Variants in SCPPPQ1 observed in about 807,000 individuals in gnomAD.
SCPPPQ1 encodes the protein secretory calcium-binding phosphoprotein proline-glutamine rich 1, also known as secretory calcium-binding phosphoprotein proline- and glutamine-rich 1.
chr4:87,461,340 G>C, the SCPPPQ1 span, among the ~76,000 whole-genome samples: 1 of 152,170 alleles, frequency 6.6e-6, no homozygotes, highest in Non-Finnish European at 1.5e-5. Flanking sequence ...TCCCTACTAA[G>C]GTTAAGAGTC....
the SCPPPQ1 span, among the ~76,000 whole-genome samples, chr4:87,465,436 C>G: frequency 6.6e-5 from 10 of 151,734 alleles, no homozygotes; most frequent in Non-Finnish European, 1.2e-4. Flanking sequence ...TCAAATTCTC[C>G]CCAATTAAAT....
the SCPPPQ1 span, among the ~76,000 whole-genome samples, chr4:87,468,712 G>A: frequency 1.3e-5 from 2 of 152,180 alleles, no homozygotes; most frequent in Non-Finnish European, 2.9e-5. Flanking sequence ...TTATCAAATT[G>A]TGTTTTTAAG....
the SCPPPQ1 span, among the ~76,000 whole-genome samples, chr4:87,468,266 C>T: frequency 6.6e-6 from 1 of 152,220 alleles, no homozygotes; most frequent in Non-Finnish European, 1.5e-5. Flanking sequence ...CTTTTATTTA[C>T]ATTTCTTAAG....
the SCPPPQ1 span, among the ~76,000 whole-genome samples, chr4:87,461,201 T>C: frequency 6.6e-6 from 1 of 152,194 alleles, no homozygotes; most frequent in Non-Finnish European, 1.5e-5. Flanking sequence ...TCCTGTTAGG[T>C]AGTAGTATTC....
At chr4:87,466,594 AAC>A in the SCPPPQ1 span, among the ~76,000 whole-genome samples, 6 of 152,324 alleles carry the variant, frequency 3.9e-5, no homozygotes, top group East Asian at 5.8e-4. Flanking sequence ...AGTTGAGAGA[AAC>A]ACAGTTTGAA....
the SCPPPQ1 span, among the ~76,000 whole-genome samples, chr4:87,468,369 G>A: frequency 6.6e-6 from 1 of 152,160 alleles, no homozygotes. Context: ...AAAGTGAAGG[G>A]AGTGTGGAAA....
chr4:87,462,769 G>T, the SCPPPQ1 span, among the ~76,000 whole-genome samples: 51 of 152,196 alleles, frequency 3.4e-4, no homozygotes, highest in Non-Finnish European at 6.8e-4. Context: ...AGGCTGAAGC[G>T]GGTGGATCTC....
At chr4:87,464,659 G>A in the SCPPPQ1 span, among the ~76,000 whole-genome samples, 1 of 152,164 alleles carries the variant, frequency 6.6e-6, no homozygotes, top group South Asian at 2.1e-4. Context: ...GCAACATGGT[G>A]AAACCCCATC....
chr4:87,464,936 A>G, the SCPPPQ1 span, among the ~76,000 whole-genome samples: 1 of 152,238 alleles, frequency 6.6e-6, no homozygotes, highest in Non-Finnish European at 1.5e-5. Context: ...GCCTCATCTT[A>G]TGTATTTATC....
the SCPPPQ1 span, chr4:87,461,835 T>G: frequency 1.3e-5 from 2 of 152,182 alleles, no homozygotes; most frequent in Admixed American, 1.3e-4. Context: ...TTGTAATTAA[T>G]TGGTCTTGTT....
At chr4:87,464,433 T>C in the SCPPPQ1 span, among the ~76,000 whole-genome samples, 1 of 152,122 alleles carries the variant, frequency 6.6e-6, no homozygotes, top group Non-Finnish European at 1.5e-5. Flanking sequence ...GCTCCAGACA[T>C]AGCAGTGACT....
At chr4:87,462,231 C>T in the SCPPPQ1 span, 2 of 152,108 alleles carry the variant, frequency 1.3e-5, no homozygotes, top group Non-Finnish European at 2.9e-5. Context: ...CCCACTTGGC[C>T]TCAGATAGTC....
chr4:87,466,960 T>G, the SCPPPQ1 span, among the ~76,000 whole-genome samples: 1 of 152,242 alleles, frequency 6.6e-6, no homozygotes, highest in African/African-American at 2.4e-5. Flanking sequence ...CCAATCTGTG[T>G]TGCAGCATCA....
the SCPPPQ1 span, among the ~76,000 whole-genome samples, chr4:87,467,062 T>C: frequency 1.3e-5 from 2 of 152,172 alleles, no homozygotes; most frequent in African/African-American, 4.8e-5. Context: ...GCCTGAAATG[T>C]TTCATCCATT....
At chr4:87,468,368 G>A in the SCPPPQ1 span, among the ~76,000 whole-genome samples, 146 of 152,266 alleles carry the variant, frequency 9.6e-4, no homozygotes, top group Middle Eastern at 3.4e-3. Context: ...CAAAGTGAAG[G>A]GAGTGTGGAA....
the SCPPPQ1 span, chr4:87,462,088 A>T: frequency 6.6e-6 from 1 of 152,170 alleles, no homozygotes; most frequent in South Asian, 2.1e-4. Context: ...CATGCCTCCC[A>T]TTTTATGGTT....
At chr4:87,465,551 G>T in the SCPPPQ1 span, among the ~76,000 whole-genome samples, 1 of 28,434 alleles carries the variant, frequency 3.5e-5, no homozygotes. Context: ...AAAAGGAATA[G>T]AAATCTACAA....
chr4:87,461,876 C>T, the SCPPPQ1 span: 1 of 151,772 alleles, frequency 6.6e-6, no homozygotes. Flanking sequence ...TATTAATTTA[C>T]CGTTGTGGAC....
At chr4:87,462,923 G>A in the SCPPPQ1 span, among the ~76,000 whole-genome samples, 2 of 150,738 alleles carry the variant, frequency 1.3e-5, no homozygotes, top group East Asian at 1.9e-4. Context: ...GCTTGAGCCT[G>A]GGGGGGCAGA....
Sources: gnomAD v4.1 joint callset for allele counts (sites outside exome capture counted in the v4.1 genomes callset) on GRCh38, gnomAD v4.1.1 for gene constraint, MANE v1.5 for transcripts, NCBI Gene and HGNC (gene_info 2026-07-23, HGNC 2026-07-21) for gene names.